BACH2: variants seen among roughly 807,000 people sequenced by gnomAD.
BACH2 encodes BACH transcriptional regulator 2.
Under a neutral mutation model 61.8 loss-of-function variants are expected in BACH2, and 5 were observed. The observed-to-expected ratio is 0.08, with a 90% CI of 0.04 to 0.17. The LOEUF (loss-of-function observed/expected upper bound fraction) is 0.17, where lower values mean the gene tolerates loss of function less well. Ranked by LOEUF, BACH2 falls within the 10% of genes least tolerant of loss-of-function variation. The pLI is 1.00. For missense variants in BACH2, 824 were observed against 1,091.1 expected (o/e 0.76, Z 3.45); for synonymous variants, 446 against 440.1 (o/e 1.01, Z -0.17).
At chr6:90,166,038 C>T (rs1767603367) in intron 4 of BACH2, among the ~76,000 whole-genome samples, 1 of 151,944 alleles carries the variant, frequency 6.6e-6, no homozygotes, top group Non-Finnish European at 1.5e-5. Context: ...GCAATGGCAA[C>T]AAAAGCCAAA....
chr6:90,065,647 A>C (rs968676007), intron 5 of BACH2, among the ~76,000 whole-genome samples: 2 of 152,202 alleles, frequency 1.3e-5, no homozygotes. Flanking sequence ...CAGTCGAGCC[A>C]GTCCAAACTA....
chr6:90,231,194 G>A (rs1707203165), intron 3 of BACH2, among the ~76,000 whole-genome samples: 1 of 152,118 alleles, frequency 6.6e-6, no homozygotes. Context: ...ATTATGAAAA[G>A]GGTTTAATTT....
chr6:90,089,453 G>A (rs1439611027), intron 4 of BACH2, among the ~76,000 whole-genome samples: 3 of 151,942 alleles, frequency 2.0e-5, no homozygotes, highest in Non-Finnish European at 2.9e-5. Context: ...CACGTTTTCT[G>A]TCAGCAAATC....
chr6:90,021,363 A>T (rs950479898), intron 5 of BACH2, among the ~76,000 whole-genome samples: 5 of 152,102 alleles, frequency 3.3e-5, no homozygotes, highest in Non-Finnish European at 4.4e-5. Context: ...CAATTCACAA[A>T]AAAGTAGAAT....
At chr6:90,162,326 T>C (rs1785221190) in intron 4 of BACH2, among the ~76,000 whole-genome samples, 1 of 152,170 alleles carries the variant, frequency 6.6e-6, no homozygotes, top group Non-Finnish European at 1.5e-5. Flanking sequence ...AAAAGAAAGT[T>C]CCTGATTATC....
chr6:90,055,461 T>C lies in BACH2; in HGVS notation c.-13+33500A>G, dbSNP rs145062402. On this transcript the variant is annotated intron_variant, in intron 5 of 8. Transcript: ENST00000257749. ...AGAAACGAACAAAGCCTTCAAGAAA[T>C]ATGGGACTATGTGAAAAGACCAAAT... Among the ~76,000 whole-genome samples the C allele has an allele frequency of 8.2e-3, 1,240 of 152,042 alleles. 19 individuals are homozygous for C. The highest frequency in any genetic ancestry group is 0.028 in the African/African-American group (1,178 of 41,388).
chr6:90,127,167 C>T (rs1247185285), intron 4 of BACH2, among the ~76,000 whole-genome samples: 1 of 152,222 alleles, frequency 6.6e-6, no homozygotes, highest in Non-Finnish European at 1.5e-5. Flanking sequence ...AAAAAAGTAA[C>T]ACACTTACCC....
In BACH2 at chr6:90,121,667, C is replaced by T. The variant is rs573998266; in HGVS notation, c.-161-32558G>A. ...AAGCAATTCTCCTGCCTCAGCCTCC[C>T]GAGTAGCTGGGATCTTACAGGCGTC... is the stretch of plus-strand genomic sequence containing the variant. On this transcript the variant is annotated intron_variant, in intron 4 of 8. Coordinates refer to ENST00000257749, the MANE Select transcript of BACH2 (RefSeq NM_021813.4). Among the ~76,000 whole-genome samples the T allele has an allele frequency of 4.0e-4, 61 of 152,166 alleles. 1 individual carries two copies. The highest frequency in any genetic ancestry group is 3.7e-4 in the Non-Finnish European group (25 of 67,992).
chr6:90,138,053 AACACACACACACAC>A (rs10602894), intron 4 of BACH2, among the ~76,000 whole-genome samples: 9 of 143,656 alleles, frequency 6.3e-5, no homozygotes, highest in Admixed American at 1.4e-4. Flanking sequence ...CTAATCATAA[AACACACACACACAC>A]ACACACACAC....
At chr6:89,944,177 C>T (rs996338538) in intron 7 of BACH2, among the ~76,000 whole-genome samples, 2 of 152,250 alleles carry the variant, frequency 1.3e-5, no homozygotes, top group Admixed American at 1.3e-4. Context: ...AGTCTTCATT[C>T]TGTCTGTCCC....
intron 7 of BACH2, among the ~76,000 whole-genome samples, chr6:89,945,654 T>C (rs1347331244): frequency 2.0e-5 from 3 of 152,226 alleles, no homozygotes; most frequent in Admixed American, 6.5e-5. Context: ...ATTGTGGATA[T>C]ATCAACAACC....
intron 4 of BACH2, among the ~76,000 whole-genome samples, chr6:90,184,070 T>C (rs1009041375): frequency 2.6e-5 from 4 of 152,214 alleles, no homozygotes; most frequent in Non-Finnish European, 5.9e-5. Flanking sequence ...TCTGTCGTTC[T>C]GAAATTATAA....
At chr6:89,980,902 G>GT (rs11287444) in intron 6 of BACH2, among the ~76,000 whole-genome samples, 134 of 147,158 alleles carry the variant, frequency 9.1e-4, no homozygotes, top group Non-Finnish European at 8.6e-4. Context: ...TTAATTTTCA[G>GT]TTTTTTTTTT....
chr6:90,014,003 T>C (rs1191645867), intron 5 of BACH2, among the ~76,000 whole-genome samples: 1 of 151,994 alleles, frequency 6.6e-6, no homozygotes, highest in Admixed American at 6.6e-5. Flanking sequence ...AGGCTGCTCT[T>C]GAATTCCTGG....
chr6:90,155,249 C>T (rs1784956822), intron 4 of BACH2, among the ~76,000 whole-genome samples: 1 of 152,166 alleles, frequency 6.6e-6, no homozygotes, highest in Non-Finnish European at 1.5e-5. Flanking sequence ...GAAAGCCAAC[C>T]AGGAGAGCCT....
chr6:90,110,610 T>C (rs1783126237), intron 4 of BACH2, among the ~76,000 whole-genome samples: 1 of 152,244 alleles, frequency 6.6e-6, no homozygotes, highest in African/African-American at 2.4e-5. Context: ...CTAATTTTTG[T>C]CTCAAGCTCA....
chr6:90,286,720 G>C, intron 1 of BACH2, among the ~76,000 whole-genome samples: 1 of 151,982 alleles, frequency 6.6e-6, no homozygotes, highest in Non-Finnish European at 1.5e-5. Context: ...GGTTTCAATT[G>C]ATAGTTTCAT....
chr6:89,955,882 G>T (rs1774400114), intron 6 of BACH2, among the ~76,000 whole-genome samples: 1 of 152,092 alleles, frequency 6.6e-6, no homozygotes, highest in Admixed American at 6.5e-5. Context: ...AATAAGAGGG[G>T]GGTGGGAGGT....
chr6:90,065,268 C>A (rs542899462), intron 5 of BACH2, among the ~76,000 whole-genome samples: 3 of 83,978 alleles, frequency 3.6e-5, no homozygotes, highest in East Asian at 7.5e-4. Flanking sequence ...CTGCCGCCCC[C>A]ACTTTTTTTT....
Sources: gnomAD v4.1 joint callset for allele counts (sites outside exome capture counted in the v4.1 genomes callset) on GRCh38, gnomAD v4.1.1 for gene constraint, MANE v1.5 for transcripts, NCBI Gene and HGNC (gene_info 2026-07-23, HGNC 2026-07-21) for gene names.